The following EPHA3 variants were observed in gnomAD, a reference collection of about 807,000 sequenced individuals.
EPHA3 encodes ephrin type-A receptor 3.
In EPHA3, 42 loss-of-function variants were observed where a neutral mutation model predicts 107.1. The ratio of observed to expected loss-of-function variants is 0.39; its 90% CI spans 0.31 to 0.51. The LOEUF is 0.51. Ranked by LOEUF, EPHA3 falls within the 20% of genes least tolerant of loss-of-function variation. EPHA3 has a pLI of 0.78. For missense variants in EPHA3, 1,183 were observed against 1,211.2 expected (o/e 0.98, Z 0.35); for synonymous variants, 461 against 424.8 (o/e 1.09, Z -1.05).
intron 2 of EPHA3, among the ~76,000 whole-genome samples, chr3:89,164,533 C>T (rs1705021023): frequency 6.6e-6 from 1 of 152,134 alleles, no homozygotes. Flanking sequence ...CTTCTCTTGC[C>T]CTTTGGATCT....
intron 5 of EPHA3, among the ~76,000 whole-genome samples, chr3:89,387,163 G>A (rs1708638090): frequency 6.6e-6 from 1 of 152,118 alleles, no homozygotes. Context: ...AGATTTGGGA[G>A]GTGTCAGGGG....
intron 1 of EPHA3, among the ~76,000 whole-genome samples, chr3:89,126,853 A>G (rs997995883): frequency 6.6e-6 from 1 of 151,814 alleles, no homozygotes; most frequent in Non-Finnish European, 1.5e-5. Context: ...ATCAAATTTA[A>G]TATTTTTGAA....
At chr3:89,422,344 T>C (rs1242826926) in intron 11 of EPHA3, among the ~76,000 whole-genome samples, 2 of 149,726 alleles carry the variant, frequency 1.3e-5, no homozygotes, top group Admixed American at 6.7e-5. Flanking sequence ...CATCTATACA[T>C]GCACACATGC....
At chr3:89,396,051 C>T in intron 6 of EPHA3, 90 bp downstream of exon 6, 1 of 1,534,408 alleles carries the variant, frequency 6.5e-7, no homozygotes, top group Non-Finnish European at 8.9e-7. Flanking sequence ...AGTGACATTC[C>T]TGGTAAATGG....
At chr3:89,218,260 A>T (rs1704266974) in intron 3 of EPHA3, among the ~76,000 whole-genome samples, 1 of 151,154 alleles carries the variant, frequency 6.6e-6, no homozygotes, top group Non-Finnish European at 1.5e-5. Flanking sequence ...ATTTGGCATT[A>T]GGTATATCTC....
At chr3:89,133,878 G>C (rs1476413381) in intron 2 of EPHA3, among the ~76,000 whole-genome samples, 1 of 151,978 alleles carries the variant, frequency 6.6e-6, no homozygotes, top group Admixed American at 6.6e-5. Flanking sequence ...GTTTGGCTTT[G>C]GGAAGTGCTT....
chr3:89,231,268 C>A (rs1197421672), intron 3 of EPHA3, among the ~76,000 whole-genome samples: 2 of 152,018 alleles, frequency 1.3e-5, no homozygotes, highest in Non-Finnish European at 2.9e-5. Flanking sequence ...CCCTATTAGA[C>A]CAAACTCAAT....
chr3:89,213,573 T>C (rs1016595058), intron 3 of EPHA3, among the ~76,000 whole-genome samples: 1 of 152,016 alleles, frequency 6.6e-6, no homozygotes, highest in Admixed American at 6.6e-5. Flanking sequence ...GAATAACGAA[T>C]AGATGATGAA....
chr3:89,185,963 C>T (rs2107129616), intron 2 of EPHA3, among the ~76,000 whole-genome samples: 1 of 152,080 alleles, frequency 6.6e-6, no homozygotes, highest in South Asian at 2.1e-4. Flanking sequence ...ATTTTGTTTG[C>T]AAGAAGGTTC....
intron 3 of EPHA3, among the ~76,000 whole-genome samples, chr3:89,328,862 G>A (rs1707229234): frequency 6.6e-6 from 1 of 152,110 alleles, no homozygotes; most frequent in Non-Finnish European, 1.5e-5. Flanking sequence ...TACATTACCT[G>A]TAGGTATGAA....
At chr3:89,384,633 T>A (rs1708579962) in intron 5 of EPHA3, among the ~76,000 whole-genome samples, 1 of 152,172 alleles carries the variant, frequency 6.6e-6, no homozygotes, top group Non-Finnish European at 1.5e-5. Flanking sequence ...TCTAAGCATT[T>A]TGAGGGTATC....
rs1487544308 is a variant in EPHA3, at chr3:89,209,887, C to T, written c.181C>T (p.His61Tyr). 1.9e-6 allele frequency: 3 copies of T among 1,608,964 alleles called. No homozygotes were observed. Among genetic ancestry groups the T allele is most frequent in the Non-Finnish European group, 2.5e-6 (3 of 1,177,430 alleles). ...GWEEISGVDE[H>Y]YTPIRTYQVC... ...GGAAGAGATCAGTGGTGTGGATGAA[C>T]ATTACACACCCATCAGGACTTACCA... Residue 61 changes from histidine (H) to tyrosine (Y), a missense_variant, in exon 3 of 17, where the codon CAT becomes TAT. By Grantham distance (83) the His-to-Tyr change is moderately conservative. Coordinates refer to ENST00000336596, the MANE Select transcript of EPHA3 (RefSeq NM_005233.6).
chr3:89,279,252 C>T (rs934525070), intron 3 of EPHA3, among the ~76,000 whole-genome samples: 10 of 151,896 alleles, frequency 6.6e-5, no homozygotes, highest in African/African-American at 1.9e-4. Context: ...AATATGTTCT[C>T]TTAAGTAATG....
chr3:89,434,278 C>T (rs761624500), intron 13 of EPHA3, among the ~76,000 whole-genome samples: 5 of 152,060 alleles, frequency 3.3e-5, no homozygotes, highest in Non-Finnish European at 4.4e-5. Flanking sequence ...AGTGCAGTGG[C>T]GCAGTGTCGG....
intron 15 of EPHA3, among the ~76,000 whole-genome samples, chr3:89,459,963 T>A (rs1559704670): frequency 6.6e-6 from 1 of 152,346 alleles, no homozygotes; most frequent in South Asian, 2.1e-4. Flanking sequence ...ATTTATTTTT[T>A]AAAAACATAT....
intron 16 of EPHA3, among the ~76,000 whole-genome samples, chr3:89,475,982 G>A (rs1248264539): frequency 1.3e-5 from 2 of 151,908 alleles, no homozygotes; most frequent in African/African-American, 2.4e-5. Flanking sequence ...ACTAGAGGGT[G>A]TTTAAAAGCC....
intron 1 of EPHA3, among the ~76,000 whole-genome samples, chr3:89,118,663 T>G (rs879576090): frequency 6.6e-6 from 1 of 151,850 alleles, no homozygotes; most frequent in Non-Finnish European, 1.5e-5. Flanking sequence ...GATATATAAC[T>G]AATTGCCTGT....
intron 2 of EPHA3, among the ~76,000 whole-genome samples, chr3:89,183,293 C>T (rs1705486344): frequency 6.6e-6 from 1 of 151,940 alleles, no homozygotes; most frequent in African/African-American, 2.4e-5. Context: ...TTCCTAATCT[C>T]TTCCCACTGT....
rs149312539 is a variant in EPHA3 at position 89,377,377 on chromosome 3, T to C, written c.1307-18460T>C. ...GAACCAACATCTGGTCTTACTGAAC[T>C]CTTATTTCAGGATCTCCTTTTAGAG... On this transcript the variant is annotated intron_variant, in intron 5 of 16. Transcript: ENST00000336596. Among the ~76,000 whole-genome samples the C allele has an allele frequency of 4.3e-3, 656 of 152,244 alleles. 8 individuals are homozygous for C. Among genetic ancestry groups the C allele is most frequent in the African/African-American group, 0.015 (613 of 41,538 alleles).
Sources: gnomAD v4.1 joint callset for allele counts (sites outside exome capture counted in the v4.1 genomes callset) on GRCh38, gnomAD v4.1.1 for gene constraint, MANE v1.5 for transcripts, NCBI Gene and HGNC (gene_info 2026-07-23, HGNC 2026-07-21) for gene names.